MAST4: variants seen among roughly 807,000 people sequenced by gnomAD.
The protein encoded by MAST4 is microtubule associated serine/threonine kinase family member 4.
Under a neutral mutation model 162.7 loss-of-function variants are expected in MAST4, and 89 were observed. The observed-to-expected ratio is 0.55, with a 90% confidence interval of 0.46 to 0.65. The LOEUF is 0.65. Ranked by LOEUF, MAST4 falls within the 30% of genes least tolerant of loss-of-function variation. The pLI, the probability that MAST4 is intolerant of heterozygous loss-of-function variation, is 0.00. For missense variants in MAST4, 3,153 were observed against 3,374.0 expected (o/e 0.93, Z 1.62); for synonymous variants, 1,479 against 1,361.1 (o/e 1.09, Z -1.91).
At position 66,993,929 on chromosome 5, in the gene MAST4, C is replaced by A. The variant is rs558769576; in HGVS notation, c.675-60475C>A. Among the ~76,000 whole-genome samples the A allele has an allele frequency of 7.8e-4, 78 of 99,458 alleles. 4 individuals carry two copies. The highest frequency in any genetic ancestry group is 5.3e-3 in the Admixed American group (48 of 9,108). 65.2% of individuals were successfully genotyped at this position (99,458 alleles called of 152,430 possible). ...AATGGGTGTGCAGAAGACCCCCCCC[C>A]CCACCCCACCAAATCTGCATTTCTA... On this transcript the variant is annotated intron_variant, in intron 4 of 28. Transcript: ENST00000403625.
At chr5:67,084,709 C>G (rs74887472) in intron 5 of MAST4, among the ~76,000 whole-genome samples, 2,144 of 152,050 alleles carry the variant, frequency 0.014, 32 homozygotes, top group African/African-American at 0.037. Flanking sequence ...TTTTACTTAT[C>G]GGGACAGGAG....
chr5:67,040,969 A>G (rs992550933), intron 4 of MAST4, among the ~76,000 whole-genome samples: 1 of 152,204 alleles, frequency 6.6e-6, no homozygotes, highest in Non-Finnish European at 1.5e-5. Context: ...TTTCACATCT[A>G]TAAAGATGTG....
At chr5:67,045,303 G>GT (rs1301688852) in intron 4 of MAST4, among the ~76,000 whole-genome samples, 1 of 152,178 alleles carries the variant, frequency 6.6e-6, no homozygotes, top group Non-Finnish European at 1.5e-5. Flanking sequence ...TGACCACCAA[G>GT]TGATACTGTG....
chr5:67,166,808 G>C lies in MAST4; in HGVS notation c.7629G>C (p.Gly2543=). The C allele has an allele frequency of 6.2e-7, 1 of 1,603,768 alleles. No individual in the cohort carries two copies. Among genetic ancestry groups the C allele is most frequent in the Non-Finnish European group, 8.5e-7 (1 of 1,175,846 alleles). Residue 2543 remains glycine (G), a synonymous_variant, in exon 29 of 29, where the codon GGG becomes GGC. Coordinates refer to ENST00000403625, the MANE Select transcript of MAST4 (RefSeq NM_001164664.2). ...SHHPDPNTMG[G]ASHRDRALSV... Reference sequence around the variant, plus strand: ...ACCCCGACCCAAACACCATGGGCGGGGCCAGCCACCGGGACAGGGCTCTCT... The same window carrying C: ...ACCCCGACCCAAACACCATGGGCGGCGCCAGCCACCGGGACAGGGCTCTCT...
At chr5:66,913,667 C>T (rs923972584) in intron 4 of MAST4, among the ~76,000 whole-genome samples, 8 of 152,140 alleles carry the variant, frequency 5.3e-5, no homozygotes, top group African/African-American at 1.4e-4. Flanking sequence ...TTTATTAATT[C>T]GTTCTTTAAA....
intron 5 of MAST4, among the ~76,000 whole-genome samples, chr5:67,058,719 G>A (rs1022157490): frequency 6.6e-6 from 1 of 152,168 alleles, no homozygotes; most frequent in African/African-American, 2.4e-5. Context: ...ACAGATGAAA[G>A]CACACTTGTA....
intron 1 of MAST4, chr5:66,662,782 T>G (rs1746992880): frequency 6.6e-6 from 1 of 152,228 alleles, no homozygotes; most frequent in South Asian, 2.1e-4. Context: ...GGTAATCCCT[T>G]AAAGATATTT....
chr5:66,647,937 A>T (rs1057030019), intron 1 of MAST4, among the ~76,000 whole-genome samples: 2 of 151,908 alleles, frequency 1.3e-5, no homozygotes, highest in Non-Finnish European at 2.9e-5. Context: ...TACCTTAATT[A>T]CTTCTGATAA....
chr5:66,926,168 T>C (rs1764875653), intron 4 of MAST4, among the ~76,000 whole-genome samples: 1 of 152,192 alleles, frequency 6.6e-6, no homozygotes, highest in Non-Finnish European at 1.5e-5. Flanking sequence ...TTCCAATTAG[T>C]CTGTCTTATG....
chr5:66,843,576 T>A (rs574117982), intron 3 of MAST4, among the ~76,000 whole-genome samples: 1 of 152,256 alleles, frequency 6.6e-6, no homozygotes, highest in South Asian at 2.1e-4. Flanking sequence ...TGAGGCTGAG[T>A]ATCCGGCATT....
Position 67,054,456 on chromosome 5 carries a change from T to C in MAST4, c.727T>C (p.Leu243=). 1 of 1,611,764 alleles carries C rather than the reference T, an allele frequency of 6.2e-7. No homozygotes were observed. Among genetic ancestry groups the C allele is most frequent in the Admixed American group, 1.7e-5 (1 of 59,724 alleles). The change falls in exon 5 of 29, where the codon TTG becomes CTG. Residue 243 remains leucine (L), a synonymous_variant. Coordinates refer to ENST00000403625, the MANE Select transcript of MAST4 (RefSeq NM_001164664.2). Reference sequence around the variant, plus strand: ...AATAGGCAATGGGCAGTCACCAGCATTGCCTCGACCACACTCACCTCTCTC... The same window carrying C: ...AATAGGCAATGGGCAGTCACCAGCACTGCCTCGACCACACTCACCTCTCTC... ...SLIGNGQSPA[L]PRPHSPLSAH...
Position 67,167,060 on chromosome 5 carries a change from G to T in MAST4, c.*9G>T, listed in dbSNP as rs1416942320. 1 of 1,568,546 alleles carries T rather than the reference G, an allele frequency of 6.4e-7. No homozygotes were observed. The highest frequency in any genetic ancestry group is 2.2e-5 in the East Asian group (1 of 44,466). On this transcript the variant is annotated 3_prime_UTR_variant, in exon 29 of 29. Coordinates refer to ENST00000403625, the MANE Select transcript of MAST4 (RefSeq NM_001164664.2). The stretch of plus-strand genomic sequence containing the variant: ...ACAAAAAGGCCTTGTAACGGGGAGG[G>T]CCCAGGGGCAGGACTGTGGAGACCC...
At chr5:66,999,608 C>T (rs1216861541) in intron 4 of MAST4, among the ~76,000 whole-genome samples, 4 of 152,194 alleles carry the variant, frequency 2.6e-5, no homozygotes, top group Admixed American at 2.0e-4. Flanking sequence ...AGACTGTATC[C>T]TTTACACTAC....
At chr5:67,138,387 A>G (rs1447465258) in intron 19 of MAST4, among the ~76,000 whole-genome samples, 1 of 152,184 alleles carries the variant, frequency 6.6e-6, no homozygotes, top group Non-Finnish European at 1.5e-5. Flanking sequence ...CAATAAGCCC[A>G]TAATATGTGT....
At chr5:67,056,025 ATATATAT>A (rs1758768547) in intron 5 of MAST4, among the ~76,000 whole-genome samples, 3 of 147,476 alleles carry the variant, frequency 2.0e-5, no homozygotes, top group East Asian at 2.0e-4. Context: ...TATGTACATG[ATATATAT>A]TATATATCCT....
rs1000373553 is a variant in MAST4 at position 67,114,153 on chromosome 5, G to T, written c.1525G>T (p.Gly509Cys). Residue 509 changes from glycine (G) to cysteine (C), a missense_variant, in exon 12 of 29, where the codon GGT becomes TGT. Physicochemically the swap from Gly to Cys is radical, Grantham distance 159. This residue lies in a region of MAST4 where 360 missense variants were observed against 450.0 expected (regional missense o/e 0.80). Transcript: ENST00000403625. ...AGAAGGCCATGCCAAAGAAGGACAG[G>T]GTATTAAAACCGACATTCCCAGGTA... ...AAEGHAKEGQ[G>C]IKTDIPRYII... 2.5e-6 allele frequency: 4 copies of T among 1,612,746 alleles called. No homozygotes were observed. The African/African-American group carries it at 5.3e-5, about 22-fold the overall frequency.
At chr5:66,884,641 G>T (rs1007402078) in intron 3 of MAST4, among the ~76,000 whole-genome samples, 1 of 152,140 alleles carries the variant, frequency 6.6e-6, no homozygotes, top group East Asian at 1.9e-4. Flanking sequence ...CTACTGTAGG[G>T]GTATCCTGGT....
chr5:66,734,408 T>C (rs565661973), intron 1 of MAST4, among the ~76,000 whole-genome samples: 11 of 152,346 alleles, frequency 7.2e-5, no homozygotes, highest in Admixed American at 7.2e-4. Context: ...TCATAGGCTA[T>C]ATTGTGTAAT....
chr5:66,824,254 G>A (rs186910979), intron 3 of MAST4, among the ~76,000 whole-genome samples: 2 of 152,310 alleles, frequency 1.3e-5, no homozygotes, highest in East Asian at 3.9e-4. Flanking sequence ...TTGTACTGAT[G>A]GTATTGGAAA....
Sources: gnomAD v4.1 joint callset for allele counts (sites outside exome capture counted in the v4.1 genomes callset) on GRCh38, gnomAD v4.1.1 for gene constraint, gnomAD v4.1.1 regional missense constraint, MANE v1.5 for transcripts, NCBI Gene and HGNC (gene_info 2026-07-23, HGNC 2026-07-21) for gene names.